The following EDARADD variants were observed in gnomAD, a reference collection of about 807,000 sequenced individuals.
EDARADD encodes ectodysplasin-A receptor-associated adapter protein.
Under a neutral mutation model 25.6 loss-of-function variants are expected in EDARADD, and 20 were observed. The observed-to-expected ratio is 0.78, with a 90% CI of 0.55 to 1.14. EDARADD has a LOEUF of 1.14. Ranked by LOEUF, EDARADD falls within the 50% of genes most tolerant of loss-of-function variation. The probability of loss-of-function intolerance (pLI) is 0.00; values close to 1 mark genes in which losing one functional copy is unlikely to be tolerated. For synonymous variants in EDARADD, 86 were observed against 94.4 expected (o/e 0.91, Z 0.52); for missense variants, 225 against 270.1 (o/e 0.83, Z 1.17).
intron 5 of EDARADD, among the ~76,000 whole-genome samples, chr1:236,469,025 C>T (rs1000884684): frequency 5.9e-5 from 9 of 152,134 alleles, no homozygotes; most frequent in Non-Finnish European, 1.3e-4. Flanking sequence ...GGTGTTAGTC[C>T]CTCTCCTTTT....
intron 3 of EDARADD, among the ~76,000 whole-genome samples, chr1:236,384,705 A>ATTG (rs539035455): frequency 4.5e-4 from 69 of 152,012 alleles, no homozygotes; most frequent in African/African-American, 1.5e-3. Flanking sequence ...TATTATTATT[A>ATTG]TTTTTTGTAG....
chr1:236,384,689 A>AATT (rs1016279968), intron 3 of EDARADD, among the ~76,000 whole-genome samples: 3 of 151,924 alleles, frequency 2.0e-5, no homozygotes, highest in Admixed American at 6.6e-5. Flanking sequence ...GCATCTGGCT[A>AATT]ATTATTATTA....
At chr1:236,351,856 G>T (rs1266834461) in intron 3 of EDARADD, among the ~76,000 whole-genome samples, 1 of 152,092 alleles carries the variant, frequency 6.6e-6, no homozygotes, top group African/African-American at 2.4e-5. Context: ...ACCTTTATGG[G>T]TTTTTTTAAT....
intron 1 of EDARADD, among the ~76,000 whole-genome samples, chr1:236,399,304 C>T (rs1239289768): frequency 6.6e-6 from 1 of 152,166 alleles, no homozygotes; most frequent in African/African-American, 2.4e-5. Context: ...GCCTTAGCCT[C>T]CCAAGTAGCT....
At chr1:236,401,164 C>T (rs1346528295) in intron 1 of EDARADD, among the ~76,000 whole-genome samples, 2 of 150,748 alleles carry the variant, frequency 1.3e-5, no homozygotes, top group Non-Finnish European at 1.5e-5. Context: ...ACAGCCTGGG[C>T]GACAGAACAA....
chr1:236,405,741 CTTTCT>C (rs1667699109), intron 1 of EDARADD, among the ~76,000 whole-genome samples: 1 of 45,160 alleles, frequency 2.2e-5, no homozygotes, highest in East Asian at 3.3e-4. Flanking sequence ...TTCTTTCTTT[CTTTCT>C]TTCTTTCTTT....
chr1:236,472,479 G>A (rs1264343675), intron 5 of EDARADD, among the ~76,000 whole-genome samples: 1 of 152,094 alleles, frequency 6.6e-6, no homozygotes, highest in Non-Finnish European at 1.5e-5. Context: ...GGGGTTGGGG[G>A]TGGAGGCGTC....
intron 3 of EDARADD, among the ~76,000 whole-genome samples, chr1:236,380,127 C>T (rs1361330741): frequency 6.6e-6 from 1 of 152,170 alleles, no homozygotes; most frequent in African/African-American, 2.4e-5. Flanking sequence ...CTTCATAACG[C>T]TCCCATGCCT....
chr1:236,352,735 C>T (rs1239717522), intron 3 of EDARADD, among the ~76,000 whole-genome samples: 1 of 152,134 alleles, frequency 6.6e-6, no homozygotes, highest in African/African-American at 2.4e-5. Flanking sequence ...GTAATCCCAG[C>T]TACAGGGGAG....
chr1:236,371,688 G>C (rs1299711153), intron 3 of EDARADD, among the ~76,000 whole-genome samples: 1 of 151,278 alleles, frequency 6.6e-6, no homozygotes, highest in African/African-American at 2.4e-5. Flanking sequence ...TCCTGCCTCA[G>C]CCTCCCAAGT....
intron 1 of EDARADD, among the ~76,000 whole-genome samples, chr1:236,400,115 CCTT>C (rs1209748436): frequency 6.6e-6 from 1 of 152,212 alleles, no homozygotes; most frequent in Non-Finnish European, 1.5e-5. Context: ...CTTCTCTGCT[CCTT>C]CTGCCCTTTC....
intron 4 of EDARADD, among the ~76,000 whole-genome samples, chr1:236,460,750 TC>T: frequency 6.6e-6 from 1 of 152,120 alleles, no homozygotes; most frequent in Non-Finnish European, 1.5e-5. Context: ...ACCAGCTTTG[TC>T]TTGGGAATTC....
intron 4 of EDARADD, among the ~76,000 whole-genome samples, chr1:236,463,365 T>C (rs1048688095): frequency 2.6e-5 from 4 of 152,036 alleles, no homozygotes; most frequent in African/African-American, 9.7e-5. Context: ...GAGATCTTGG[T>C]TCACTGCAAC....
chr1:236,365,310 C>T (rs755756910), intron 3 of EDARADD, among the ~76,000 whole-genome samples: 4 of 151,758 alleles, frequency 2.6e-5, no homozygotes, highest in African/African-American at 9.7e-5. Context: ...ACCACAGGCA[C>T]GTGCCACCAC....
At chr1:236,352,231 A>C (rs1276799556) in intron 3 of EDARADD, among the ~76,000 whole-genome samples, 1 of 152,110 alleles carries the variant, frequency 6.6e-6, no homozygotes, top group Non-Finnish European at 1.5e-5. Context: ...TGCCCGCTAA[A>C]ACTGGCCTTT....
rs60310941 is a variant in EDARADD, at chr1:236,411,610, G to A, written c.120+2336G>A. ...CAGCTGGAGTGCAATATGCAATGGCGTGATCTCGGCTCACTGCAACCTCTG... is the reference window on the plus strand; with the variant it reads ...CAGCTGGAGTGCAATATGCAATGGCATGATCTCGGCTCACTGCAACCTCTG... On this transcript the variant is annotated intron_variant, in intron 2 of 5. Coordinates refer to ENST00000334232, the MANE Select transcript of EDARADD (RefSeq NM_145861.4). Among the ~76,000 whole-genome samples, 1,149 of 151,146 alleles carry A rather than the reference G, an allele frequency of 7.6e-3. 11 individuals are homozygous for A. The highest frequency in any genetic ancestry group is 0.027 in the African/African-American group (1,091 of 41,166).
At chr1:236,379,003 A>G (rs1338439821) in intron 3 of EDARADD, among the ~76,000 whole-genome samples, 3 of 151,702 alleles carry the variant, frequency 2.0e-5, no homozygotes, top group Admixed American at 6.6e-5. Flanking sequence ...TTCCAGAGCT[A>G]CAAGTCTCTG....
At chr1:236,405,327 G>A (rs548003120) in intron 1 of EDARADD, among the ~76,000 whole-genome samples, 6 of 152,274 alleles carry the variant, frequency 3.9e-5, no homozygotes, top group African/African-American at 7.2e-5. Flanking sequence ...TCTCTATCTT[G>A]TTGGCCTCAT....
At chr1:236,426,662 C>T (rs1468251207) in intron 3 of EDARADD, among the ~76,000 whole-genome samples, 1 of 152,182 alleles carries the variant, frequency 6.6e-6, no homozygotes, top group Non-Finnish European at 1.5e-5. Flanking sequence ...AATCCCAACA[C>T]TTTGGGAGGC....
Sources: gnomAD v4.1 joint callset for allele counts (sites outside exome capture counted in the v4.1 genomes callset) on GRCh38, gnomAD v4.1.1 for gene constraint, MANE v1.5 for transcripts, NCBI Gene and HGNC (gene_info 2026-07-23, HGNC 2026-07-21) for gene names.